Variants in PEPD observed in about 807,000 individuals in gnomAD.
PEPD encodes the protein peptidase D, also known as xaa-Pro dipeptidase.
Under a neutral mutation model 60.7 loss-of-function variants are expected in PEPD, and 53 were observed. The observed-to-expected ratio is 0.87, with a 90% CI of 0.70 to 1.10. The LOEUF (loss-of-function observed/expected upper bound fraction) is 1.10, where lower values mean the gene tolerates loss of function less well. Ranked by LOEUF, PEPD falls within the 50% of genes least tolerant of loss-of-function variation. PEPD has a pLI of 0.00. For synonymous variants in PEPD, 267 were observed against 284.1 expected (o/e 0.94, Z 0.60); for missense variants, 711 against 711.9 (o/e 1.00, Z 0.01).
At chr19:33,409,873 G>A (rs1178200008) in intron 11 of PEPD, among the ~76,000 whole-genome samples, 1 of 152,234 alleles carries the variant, frequency 6.6e-6, no homozygotes, top group African/African-American at 2.4e-5. Flanking sequence ...CACACATGGG[G>A]TGAGGTGCCT....
intron 9 of PEPD, among the ~76,000 whole-genome samples, chr19:33,440,833 C>T (rs1969467870): frequency 6.6e-6 from 1 of 152,340 alleles, no homozygotes; most frequent in South Asian, 2.1e-4. Flanking sequence ...AGAAGAGTGC[C>T]TGGCACCTGT....
chr19:33,507,340 C>A (rs1427802136), intron 3 of PEPD, among the ~76,000 whole-genome samples: 1 of 152,098 alleles, frequency 6.6e-6, no homozygotes, highest in Non-Finnish European at 1.5e-5. Flanking sequence ...GAAATGCTCT[C>A]ACATCAAAAA....
At chr19:33,431,265 G>C (rs747972946) in intron 9 of PEPD, among the ~76,000 whole-genome samples, 26 of 152,136 alleles carry the variant, frequency 1.7e-4, no homozygotes, top group African/African-American at 6.3e-4. Flanking sequence ...GGAAGAGAGG[G>C]ACGAAAAGAA....
chr19:33,398,990 T>G (rs572241661), intron 12 of PEPD, among the ~76,000 whole-genome samples: 13 of 152,172 alleles, frequency 8.5e-5, no homozygotes, highest in African/African-American at 3.1e-4. Flanking sequence ...AGCTCCTTTT[T>G]GTTTGTTTTT....
At chr19:33,500,460 C>CT (rs1970686187) in intron 4 of PEPD, among the ~76,000 whole-genome samples, 1 of 152,244 alleles carries the variant, frequency 6.6e-6, no homozygotes, top group Non-Finnish European at 1.5e-5. Flanking sequence ...CACACGACAC[C>CT]TGCTGGACAA....
intron 9 of PEPD, among the ~76,000 whole-genome samples, chr19:33,449,798 C>T (rs75374090): frequency 1.8e-3 from 281 of 152,282 alleles, no homozygotes; most frequent in African/African-American, 6.5e-3. Context: ...GCGGGTGCCA[C>T]GTTACCTTCT....
intron 7 of PEPD, among the ~76,000 whole-genome samples, chr19:33,465,339 C>T (rs890408619): frequency 6.6e-6 from 1 of 152,144 alleles, no homozygotes; most frequent in Admixed American, 6.5e-5. Flanking sequence ...AGCAGGCAAA[C>T]GCAGCTTCCC....
chr19:33,399,307 C>T (rs1012748461), intron 12 of PEPD, among the ~76,000 whole-genome samples: 4 of 152,206 alleles, frequency 2.6e-5, no homozygotes, highest in Non-Finnish European at 4.4e-5. Flanking sequence ...AAAGCAATTC[C>T]GCAGAAAATG....
At position 33,421,025 on chromosome 19, in the gene PEPD, G is replaced by C. The variant is rs560082399; in HGVS notation, c.672-7382C>G. Among the ~76,000 whole-genome samples the C allele has an allele frequency of 5.3e-5, 8 of 152,374 alleles. No homozygotes were observed. The South Asian group carries it at 1.7e-3, about 32-fold the overall frequency. ...TGTGGACCCGTCTAGGTGGGCAGCA[G>C]TCCCTGGTTGGTTCTCACTGCTGGC... On this transcript the variant is annotated intron_variant, in intron 9 of 14. Coordinates refer to ENST00000244137, the MANE Select transcript of PEPD (RefSeq NM_000285.4).
intron 11 of PEPD, among the ~76,000 whole-genome samples, chr19:33,408,953 A>G (rs886903065): frequency 2.6e-5 from 4 of 152,254 alleles, no homozygotes; most frequent in African/African-American, 4.8e-5. Flanking sequence ...AATTGACTAC[A>G]ATAAACTCAT....
intron 2 of PEPD, chr19:33,511,589 A>C (rs950380881): frequency 1.8e-5 from 5 of 275,204 alleles, no homozygotes; most frequent in African/African-American, 2.2e-5. Context: ...TCCCTCTCCC[A>C]CCCCCGGGAC....
chr19:33,406,661 C>T (rs1968632051), intron 11 of PEPD, among the ~76,000 whole-genome samples: 1 of 152,112 alleles, frequency 6.6e-6, no homozygotes, highest in Admixed American at 6.6e-5. Flanking sequence ...CAAGGGGGTC[C>T]CCAGGAGCTT....
intron 9 of PEPD, among the ~76,000 whole-genome samples, chr19:33,444,572 G>A (rs1471381219): frequency 6.8e-6 from 1 of 147,326 alleles, no homozygotes; most frequent in African/African-American, 2.5e-5. Context: ...ACAGGTGAGC[G>A]CTCTCAGCTT....
At chr19:33,461,346 G>C (rs1036989068) in intron 9 of PEPD, among the ~76,000 whole-genome samples, 1 of 152,144 alleles carries the variant, frequency 6.6e-6, no homozygotes, top group African/African-American at 2.4e-5. Context: ...AAGGCATGAG[G>C]GCTAAGGAAC....
At chr19:33,472,756 C>A (rs1309493763) in intron 7 of PEPD, among the ~76,000 whole-genome samples, 7 of 152,100 alleles carry the variant, frequency 4.6e-5, no homozygotes, top group Non-Finnish European at 1.0e-4. Context: ...CCGTGTTGAA[C>A]AAAACTCATT....
intron 11 of PEPD, among the ~76,000 whole-genome samples, chr19:33,409,566 T>G (rs1331407004): frequency 6.6e-6 from 1 of 152,180 alleles, no homozygotes; most frequent in Admixed American, 6.5e-5. Flanking sequence ...TCTCAGCTAC[T>G]CGGGAGGCTG....
Position 33,391,552 on chromosome 19 carries a change from T to C in PEPD, c.968-73A>G, listed in dbSNP as rs16968070. 0.17 allele frequency: 224,818 copies of C among 1,360,792 alleles called. 20,395 individuals are homozygous for C. The highest frequency in any genetic ancestry group is 0.38 in the African/African-American group (26,570 of 69,462). The allele number at this position is 1,360,792 out of a possible 1,614,324, so 84.3% of individuals were successfully genotyped here. On this transcript the variant is annotated intron_variant, in intron 12 of 14. Transcript: ENST00000244137. ...CACCGCAGGGCCAGGGGCTGGGAGATGTGAAGCCCTCACACTGGCTGTGGT... is the reference window on the plus strand; with the variant it reads ...CACCGCAGGGCCAGGGGCTGGGAGACGTGAAGCCCTCACACTGGCTGTGGT...
intron 3 of PEPD, among the ~76,000 whole-genome samples, chr19:33,506,323 TAC>T (rs1202808996): frequency 4.5e-4 from 47 of 105,070 alleles, no homozygotes; most frequent in East Asian, 1.3e-3. Flanking sequence ...CCCTACACAC[TAC>T]ACACACACCC....
intron 1 of PEPD, among the ~76,000 whole-genome samples, 181 bp from the exon 2 acceptor site, chr19:33,512,957 A>C (rs1264940381): frequency 6.6e-6 from 1 of 151,608 alleles, no homozygotes; most frequent in Admixed American, 6.6e-5. Flanking sequence ...GATCCCCCTG[A>C]GGACCACAGG....
Sources: allele counts gnomAD v4.1 joint callset (sites outside exome capture counted in the v4.1 genomes callset), GRCh38; gene constraint gnomAD v4.1.1; transcripts MANE v1.5; gene names NCBI Gene and HGNC (gene_info 2026-07-23, HGNC 2026-07-21).